SFRP1: variants seen among roughly 807,000 people sequenced by gnomAD.
SFRP1 encodes the protein secreted frizzled related protein 1.
SFRP1 carries 9 observed loss-of-function variants against 25.9 expected under a neutral mutation model. The ratio of observed to expected loss-of-function variants is 0.35; its 90% CI spans 0.21 to 0.61. The LOEUF (loss-of-function observed/expected upper bound fraction) is 0.61. Among genes scored for constraint, SFRP1 ranks in the 20% least tolerant of loss-of-function variants. SFRP1 has a pLI of 0.78. For synonymous variants in SFRP1, 178 were observed against 174.0 expected, an observed-to-expected ratio of 1.02 and a Z score of -0.18; for missense variants, 346 against 418.2, an observed-to-expected ratio of 0.83 and a Z score of 1.51.
chr8:41,306,760 G>T, intron 1 of SFRP1: 1 of 1,598,096 alleles, frequency 6.3e-7, no homozygotes, highest in Non-Finnish European at 8.5e-7. Context: ...AGTGAGGACG[G>T]TTCCAAGCCA....
chr8:41,288,357 A>C (rs1392285773), intron 2 of SFRP1, among the ~76,000 whole-genome samples: 1 of 151,820 alleles, frequency 6.6e-6, no homozygotes, highest in African/African-American at 2.4e-5. Flanking sequence ...CATCTCCAAA[A>C]AAATAAAATG....
At chr8:41,276,668 C>T (rs1281488697) in intron 2 of SFRP1, among the ~76,000 whole-genome samples, 1 of 152,172 alleles carries the variant, frequency 6.6e-6, no homozygotes, top group East Asian at 1.9e-4. Flanking sequence ...AGAACAAGAT[C>T]CAAAGCAGAT....
In SFRP1 at chr8:41,265,370, G is replaced by A; in HGVS notation, c.742C>T (p.Leu248=). 1 of 1,614,038 alleles carries A rather than the reference G, an allele frequency of 6.2e-7. No individual in the cohort carries two copies. Among genetic ancestry groups the A allele is most frequent in the East Asian group, 2.2e-5 (1 of 44,882 alleles). Residue 248 remains leucine, a synonymous_variant, in exon 3 of 3, where the codon CTG becomes TTG. Coordinates refer to ENST00000220772, the MANE Select transcript of SFRP1 (RefSeq NM_003012.5). ...CAGTCAGCCCCATTCTTCAGGTACA[G>A]CACAAGCTTCTTCAGGTCCTTCTTC... ...IKKKDLKKLV[L]YLKNGADCPC...
At chr8:41,293,858 G>A (rs1272970326) in intron 2 of SFRP1, among the ~76,000 whole-genome samples, 3 of 151,826 alleles carry the variant, frequency 2.0e-5, no homozygotes, top group Non-Finnish European at 4.4e-5. Context: ...CTGCAGCCTC[G>A]ACCTCGCGGG....
intron 2 of SFRP1, among the ~76,000 whole-genome samples, chr8:41,272,606 C>T (rs1803524169): frequency 6.6e-6 from 1 of 151,856 alleles, no homozygotes; most frequent in Non-Finnish European, 1.5e-5. Flanking sequence ...CAGACTGTCT[C>T]AAAAAATTTT....
At chr8:41,287,276 G>A (rs1474013361) in intron 2 of SFRP1, among the ~76,000 whole-genome samples, 1 of 152,228 alleles carries the variant, frequency 6.6e-6, no homozygotes, top group Non-Finnish European at 1.5e-5. Context: ...CAGGCCCCAG[G>A]AAAGTGGGAA....
At chr8:41,284,953 G>A (rs559913083) in intron 2 of SFRP1, among the ~76,000 whole-genome samples, 72 of 152,254 alleles carry the variant, frequency 4.7e-4, no homozygotes, top group African/African-American at 1.6e-3. Context: ...TCTTCCCTAC[G>A]CCCCACAGAT....
Position 41,303,533 on chromosome 8 carries a change from T to C in SFRP1, c.550A>G (p.Thr184Ala). The C allele has an allele frequency of 6.2e-7, 1 of 1,613,408 alleles. No individual in the cohort carries two copies. Among genetic ancestry groups the C allele is most frequent in the Non-Finnish European group, 8.5e-7 (1 of 1,179,452 alleles). ...ATEASKPQGT[T>A]VCPPCDNELK... ...TCGTTGTCACAGGGAGGACACACCGTTGTGCCTGGGAAAGGAAGTAGGGAG... is the reference window on the plus strand; with the variant it reads ...TCGTTGTCACAGGGAGGACACACCGCTGTGCCTGGGAAAGGAAGTAGGGAG... Residue 184 changes from threonine (T) to alanine (A), a missense_variant, in exon 2 of 3, where the codon ACG becomes GCG. Transcript: ENST00000220772.
At chr8:41,288,778 G>T (rs548472068) in intron 2 of SFRP1, among the ~76,000 whole-genome samples, 12 of 152,160 alleles carry the variant, frequency 7.9e-5, no homozygotes, top group Non-Finnish European at 1.8e-4. Context: ...CTTCCAAACT[G>T]CTTCCCCATA....
chr8:41,292,018 G>A (rs1248471537), intron 2 of SFRP1, among the ~76,000 whole-genome samples: 1 of 152,094 alleles, frequency 6.6e-6, no homozygotes, highest in East Asian at 1.9e-4. Flanking sequence ...GCTCCTACGT[G>A]GCCAGCCCGA....
At chr8:41,298,122 C>T (rs1450856237) in intron 2 of SFRP1, 2 of 152,140 alleles carry the variant, frequency 1.3e-5, no homozygotes, top group African/African-American at 4.8e-5. Flanking sequence ...AGGTCCTATC[C>T]AACTCAACAC....
intron 2 of SFRP1, among the ~76,000 whole-genome samples, chr8:41,302,606 C>T (rs1477253123): frequency 2.0e-5 from 3 of 152,230 alleles, no homozygotes; most frequent in Non-Finnish European, 4.4e-5. Flanking sequence ...GCCGGAGCCA[C>T]TTCTCTGCAT....
intron 2 of SFRP1, among the ~76,000 whole-genome samples, chr8:41,266,533 T>A (rs1285862807): frequency 1.3e-5 from 2 of 151,790 alleles, no homozygotes; most frequent in Admixed American, 6.6e-5. Flanking sequence ...ACTCCCGGGC[T>A]CAAGCAATTC....
In SFRP1 at chr8:41,265,417, G is replaced by A. The variant is rs769227722; in HGVS notation, c.695C>T (p.Pro232Leu). 6.2e-7 allele frequency: 1 copy of A among 1,612,332 alleles called. No homozygotes were observed. The highest frequency in any genetic ancestry group is 8.5e-7 in the Non-Finnish European group (1 of 1,179,752). ...DKKIVPKKKK[P>L]LKLGPIKKKD... ...CTTCTTGATGGGCCCCAACTTCAGG[G>A]GCTTCTTCTTCTTGGGGACAATCTT... The change falls in exon 3 of 3, where the codon CCC becomes CTC. Residue 232 changes from proline to leucine, a missense_variant. Physicochemically the swap from Pro to Leu is moderately conservative, Grantham distance 98. Transcript: ENST00000220772.
At chr8:41,279,201 C>T (rs371736139) in intron 2 of SFRP1, among the ~76,000 whole-genome samples, 13 of 152,238 alleles carry the variant, frequency 8.5e-5, no homozygotes, top group African/African-American at 2.4e-4. Context: ...GCTAAACACA[C>T]GTGGGGCACA....
chr8:41,290,916 T>C lies in SFRP1; in HGVS notation c.622+12545A>G, dbSNP rs1236164664. Among the ~76,000 whole-genome samples, 3 of 94,850 alleles carry C rather than the reference T, an allele frequency of 3.2e-5. No individual in the cohort carries two copies. In the East Asian group the frequency reaches 1.1e-3, roughly 34 times the overall value. The allele number at this position is 94,850 out of a possible 152,430, so 62.2% of individuals were successfully genotyped here. On this transcript the variant is annotated intron_variant, in intron 2 of 2. Transcript: ENST00000220772. ...TTTTTTTTTTTTTTTTTTTTTTTTT[T>C]TTTTTTTTGAGATGGAGTCTTGTTC...
intron 1 of SFRP1, among the ~76,000 whole-genome samples, chr8:41,305,372 T>C (rs1424679163): frequency 6.6e-6 from 1 of 152,222 alleles, no homozygotes; most frequent in Non-Finnish European, 1.5e-5. Context: ...AGGGACATTT[T>C]CCTCAGTCCC....
rs748698728 is a variant in SFRP1, at chr8:41,308,892, C to T, written c.268G>A (p.Val90Met). The change falls in exon 1 of 3, where the codon GTG becomes ATG. Residue 90 changes from valine (V) to methionine (M), a missense_variant. Physicochemically the swap from Val to Met is conservative, Grantham distance 21 (BLOSUM62 1). Transcript: ENST00000220772. Reference sequence around the variant, plus strand: ...ACCCAGCTGCTGGCCTGCTGCTTCACCTCCGCCATGGTCTCGTGCTCCAGC... The same window carrying T: ...ACCCAGCTGCTGGCCTGCTGCTTCATCTCCGCCATGGTCTCGTGCTCCAGC... Reference protein sequence around the residue: ...NLLEHETMAEVKQQASSWVPL... With the variant: ...NLLEHETMAEMKQQASSWVPL... The T allele has an allele frequency of 4.0e-5, 64 of 1,611,834 alleles. No individual in the cohort carries two copies. Among genetic ancestry groups the T allele is most frequent in the Non-Finnish European group, 5.1e-5 (60 of 1,179,818 alleles).
intron 1 of SFRP1, among the ~76,000 whole-genome samples, chr8:41,305,046 A>G (rs933626818): frequency 6.6e-6 from 1 of 152,172 alleles, no homozygotes; most frequent in Non-Finnish European, 1.5e-5. Context: ...ACTTACCACA[A>G]ATTTTGCATT....
Sources: gnomAD v4.1 joint callset for allele counts (sites outside exome capture counted in the v4.1 genomes callset) on GRCh38, gnomAD v4.1.1 for gene constraint, MANE v1.5 for transcripts, NCBI Gene and HGNC (gene_info 2026-07-23, HGNC 2026-07-21) for gene names.